Variants in AOPEP observed in about 807,000 individuals in gnomAD.
The protein encoded by AOPEP is aminopeptidase O.
AOPEP carries 77 observed loss-of-function variants against 98.1 expected under a neutral mutation model. The observed-to-expected ratio is 0.78, with a 90% CI of 0.65 to 0.95. The LOEUF (loss-of-function observed/expected upper bound fraction) is 0.95, where lower values mean the gene tolerates loss of function less well. AOPEP is among the 40% of genes least tolerant of loss of function. The pLI is 0.00. For missense variants in AOPEP, 1,024 were observed against 1,024.7 expected (o/e 1.00, Z 0.01); for synonymous variants, 346 against 365.3 (o/e 0.95, Z 0.60).
At chr9:94,825,210 C>T (rs1186295210) in intron 5 of AOPEP, among the ~76,000 whole-genome samples, 1 of 152,182 alleles carries the variant, frequency 6.6e-6, no homozygotes, top group East Asian at 1.9e-4. Context: ...ATTTACAAAT[C>T]CTACTGGATA....
At chr9:94,932,324 G>T in intron 7 of AOPEP, 3 of 972,366 alleles carry the variant, frequency 3.1e-6, no homozygotes, top group Non-Finnish European at 3.7e-6. Flanking sequence ...ATAGATACTG[G>T]AGTATTAACA....
chr9:94,887,539 C>T (rs1323840397), intron 5 of AOPEP, among the ~76,000 whole-genome samples: 4 of 152,032 alleles, frequency 2.6e-5, no homozygotes, highest in Admixed American at 2.6e-4. Flanking sequence ...CTACTTACTT[C>T]TTAAGTTGGA....
chr9:95,141,125 T>A, the AOPEP span, among the ~76,000 whole-genome samples: 1 of 151,514 alleles, frequency 6.6e-6, no homozygotes, highest in East Asian at 1.9e-4. Context: ...GCCTGGGCAA[T>A]ATGGCAAAAC....
the AOPEP span, chr9:95,126,563 G>C: frequency 6.2e-7 from 1 of 1,614,002 alleles, no homozygotes; most frequent in Non-Finnish European, 8.5e-7. Context: ...AATATGGCAG[G>C]GTGGCAGGCT....
At chr9:94,739,136 C>G (rs772525848) in intron 1 of AOPEP, among the ~76,000 whole-genome samples, 43 of 152,130 alleles carry the variant, frequency 2.8e-4, no homozygotes, top group African/African-American at 8.4e-4. Context: ...CTGGCTTCCT[C>G]TGCTCTCAGA....
At chr9:95,131,228 T>G in the AOPEP span, among the ~76,000 whole-genome samples, 1 of 152,216 alleles carries the variant, frequency 6.6e-6, no homozygotes, top group African/African-American at 2.4e-5. Flanking sequence ...TTCTCTGTGT[T>G]TGGACACAGA....
chr9:95,135,689 T>C, the AOPEP span: 1 of 603,608 alleles, frequency 1.7e-6, no homozygotes, highest in Non-Finnish European at 2.9e-6. Flanking sequence ...AATGTGAATA[T>C]GCTTCCACTT....
At chr9:94,755,459 CAAGT>C (rs964638626) in intron 1 of AOPEP, among the ~76,000 whole-genome samples, 2 of 152,128 alleles carry the variant, frequency 1.3e-5, no homozygotes, top group Non-Finnish European at 2.9e-5. Flanking sequence ...GAATCTAAGA[CAAGT>C]AAGACATAGA....
chr9:95,037,613 C>G (rs2064941177), intron 13 of AOPEP, among the ~76,000 whole-genome samples: 1 of 152,054 alleles, frequency 6.6e-6, no homozygotes, highest in Non-Finnish European at 1.5e-5. Context: ...GGCACAGTTT[C>G]TTATTGCTGA....
At chr9:95,005,369 G>A (rs1326805798) in intron 12 of AOPEP, 149 bp downstream of exon 12, 24 of 813,454 alleles carry the variant, frequency 3.0e-5, no homozygotes, top group Non-Finnish European at 4.1e-5. Flanking sequence ...CGTGACGAAG[G>A]TCGCGGCCCC....
At chr9:95,124,918 A>T in the AOPEP span, among the ~76,000 whole-genome samples, 2 of 152,220 alleles carry the variant, frequency 1.3e-5, no homozygotes, top group African/African-American at 4.8e-5. Context: ...ATCTTGATTT[A>T]TGTTAAGTTA....
chr9:94,864,054 A>G (rs2045424887), intron 5 of AOPEP, among the ~76,000 whole-genome samples: 1 of 152,222 alleles, frequency 6.6e-6, no homozygotes, highest in African/African-American at 2.4e-5. Context: ...ACATGGGCCA[A>G]TTTGGATGAA....
intron 5 of AOPEP, among the ~76,000 whole-genome samples, chr9:94,916,763 T>C (rs1466077857): frequency 6.6e-6 from 1 of 151,994 alleles, no homozygotes; most frequent in Non-Finnish European, 1.5e-5. Context: ...CAATAAATAT[T>C]TGTTCATATT....
intron 1 of AOPEP, among the ~76,000 whole-genome samples, chr9:94,741,046 G>A (rs767877069): frequency 2.0e-5 from 3 of 152,070 alleles, no homozygotes; most frequent in Admixed American, 2.0e-4. Context: ...AGGAGAGAGA[G>A]AGTGAGTGAG....
chr9:95,138,223 G>A, the AOPEP span, among the ~76,000 whole-genome samples: 108 of 152,368 alleles, frequency 7.1e-4, no homozygotes, highest in African/African-American at 2.5e-3. Flanking sequence ...GCTGAGGTTG[G>A]AGTGAGTACA....
At chr9:95,134,275 C>A in the AOPEP span, among the ~76,000 whole-genome samples, 1 of 152,152 alleles carries the variant, frequency 6.6e-6, no homozygotes, top group African/African-American at 2.4e-5. Context: ...AAAGAAAGAA[C>A]ACAGAAGTCC....
intron 7 of AOPEP, among the ~76,000 whole-genome samples, chr9:94,954,356 A>C (rs931923921): frequency 6.6e-6 from 1 of 152,212 alleles, no homozygotes; most frequent in African/African-American, 2.4e-5. Flanking sequence ...GTGGACCGTG[A>C]CTATCCAGTC....
the AOPEP span, among the ~76,000 whole-genome samples, chr9:95,144,993 TA>T: frequency 5.9e-5 from 9 of 152,344 alleles, no homozygotes; most frequent in African/African-American, 1.9e-4. Context: ...AAGGCCATTT[TA>T]TTTTTTTAGC....
At chr9:95,029,997 G>A (rs1226713811) in intron 13 of AOPEP, among the ~76,000 whole-genome samples, 1 of 152,206 alleles carries the variant, frequency 6.6e-6, no homozygotes, top group African/African-American at 2.4e-5. Flanking sequence ...TCTGCATAAA[G>A]TAACCAAGCT....
Sources: gnomAD v4.1 joint callset for allele counts (sites outside exome capture counted in the v4.1 genomes callset) on GRCh38, gnomAD v4.1.1 for gene constraint, MANE v1.5 for transcripts, NCBI Gene and HGNC (gene_info 2026-07-23, HGNC 2026-07-21) for gene names.